IMPG2: variants seen among roughly 807,000 people sequenced by gnomAD.
The protein encoded by IMPG2 is interphotoreceptor matrix proteoglycan 2, also known as IPM 200.
In IMPG2, 91 loss-of-function variants were observed where a neutral mutation model predicts 129.2. The ratio of observed to expected loss-of-function variants is 0.70; its 90% CI spans 0.59 to 0.84. IMPG2 has a LOEUF of 0.84. Among genes scored for constraint, IMPG2 ranks in the 40% least tolerant of loss-of-function variants. The probability of loss-of-function intolerance (pLI) is 0.00; values close to 1 mark genes in which losing one functional copy is unlikely to be tolerated. For synonymous variants in IMPG2, 510 were observed against 517.7 expected (o/e 0.99, Z 0.20); for missense variants, 1,430 against 1,461.7 (o/e 0.98, Z 0.35).
Position 101,245,896 on chromosome 3 carries a change from G to C in IMPG2, c.1449C>G (p.Ser483Arg). 1 of 1,614,190 alleles carries C rather than the reference G, an allele frequency of 6.2e-7. No individual in the cohort carries two copies. The highest frequency in any genetic ancestry group is 2.2e-5 in the East Asian group (1 of 44,878). ...SSSPEVLEVS[S>R]LTLHSVTPAV... ...CCGGGGTGACAGAATGAAGAGTCAA[G>C]CTGCTAACCTCTAAAACCTCTGGGG... is the stretch of plus-strand genomic sequence containing the variant. Residue 483 changes from serine (S) to arginine (R), a missense_variant, in exon 12 of 19, where the codon AGC becomes AGG. Coordinates refer to ENST00000193391, the MANE Select transcript of IMPG2 (RefSeq NM_016247.4).
intron 16 of IMPG2, among the ~76,000 whole-genome samples, chr3:101,229,931 T>C (rs751897236): frequency 4.4e-4 from 67 of 152,206 alleles, no homozygotes; most frequent in Admixed American, 1.0e-3. Context: ...TTATACACAT[T>C]GAAAATCAGT....
chr3:101,259,539 T>C (rs1464190166), intron 9 of IMPG2, among the ~76,000 whole-genome samples: 1 of 150,940 alleles, frequency 6.6e-6, no homozygotes, highest in African/African-American at 2.4e-5. Context: ...GCTTGGTACC[T>C]AGCACAGAGA....
At chr3:101,308,052 T>C (rs954444270) in intron 2 of IMPG2, among the ~76,000 whole-genome samples, 2 of 152,240 alleles carry the variant, frequency 1.3e-5, no homozygotes, top group East Asian at 3.8e-4. Context: ...CTCACATCCA[T>C]GTCACACTGA....
intron 9 of IMPG2, among the ~76,000 whole-genome samples, chr3:101,260,241 CT>C (rs1233119281): frequency 6.6e-6 from 1 of 152,124 alleles, no homozygotes; most frequent in African/African-American, 2.4e-5. Context: ...CAGGATACCT[CT>C]TCTAATGCAG....
At chr3:101,299,475 T>A (rs1707116962) in intron 3 of IMPG2, among the ~76,000 whole-genome samples, 1 of 152,228 alleles carries the variant, frequency 6.6e-6, no homozygotes. Context: ...AGAGGCACTC[T>A]GGCCTTTTGG....
In IMPG2 at chr3:101,263,191, A is replaced by G. The variant is rs140339175; in HGVS notation, c.908+4320T>C. Among the ~76,000 whole-genome samples, 338 of 152,176 alleles carry G rather than the reference A, an allele frequency of 2.2e-3. 1 individual carries two copies. Among genetic ancestry groups the G allele is most frequent in the African/African-American group, 7.8e-3 (326 of 41,560 alleles). On this transcript the variant is annotated intron_variant, in intron 9 of 18. Transcript: ENST00000193391. ...ACACCAGATTTAAACTGCACCACAG[A>G]CTAAGTGGCCCTCACAGATATTTAC... is the stretch of plus-strand genomic sequence containing the variant.
intron 4 of IMPG2, among the ~76,000 whole-genome samples, chr3:101,287,426 T>C (rs1706960090): frequency 6.6e-6 from 1 of 152,172 alleles, no homozygotes; most frequent in African/African-American, 2.4e-5. Context: ...AGAGCCTGAA[T>C]AGCCAAAGTA....
chr3:101,226,859 A>T lies in IMPG2; in HGVS notation c.*110T>A. ...TGCCCTATATTTAATTTTTTCATAG[A>T]AAACTCTTCTTCCAACAGTGTTTAA... On this transcript the variant is annotated 3_prime_UTR_variant, in exon 19 of 19. Coordinates refer to ENST00000193391, the MANE Select transcript of IMPG2 (RefSeq NM_016247.4). The T allele has an allele frequency of 1.7e-6, 2 of 1,190,540 alleles. No homozygotes were observed. Among genetic ancestry groups the T allele is most frequent in the East Asian group, 2.3e-5 (1 of 42,714 alleles). 73.7% of individuals were successfully genotyped at this position (1,190,540 alleles called of 1,614,324 possible).
chr3:101,269,924 T>C (rs1308267410), intron 7 of IMPG2, among the ~76,000 whole-genome samples: 3 of 147,638 alleles, frequency 2.0e-5, no homozygotes, highest in Non-Finnish European at 3.0e-5. Flanking sequence ...TTTTATTTTA[T>C]TCTTTTTTTT....
At chr3:101,264,330 G>A (rs1576756215) in intron 9 of IMPG2, among the ~76,000 whole-genome samples, 1 of 151,984 alleles carries the variant, frequency 6.6e-6, no homozygotes, top group East Asian at 1.9e-4. Flanking sequence ...AAATCCAATA[G>A]CCCCTCAAAA....
At chr3:101,257,905 T>A in intron 9 of IMPG2, 132 bp from the exon 10 acceptor site, 1 of 1,055,376 alleles carries the variant, frequency 9.5e-7, no homozygotes, top group Non-Finnish European at 1.4e-6. Context: ...CACTTTTCTC[T>A]GAAAAGCCTG....
chr3:101,223,189 A>C lies in IMPG2; in HGVS notation c.*3780T>G, dbSNP rs511575. 1 of 152,240 alleles carries C rather than the reference A, an allele frequency of 6.6e-6. No homozygotes were observed. The highest frequency in any genetic ancestry group is 2.4e-5 in the African/African-American group (1 of 41,540). 9.4% of individuals were successfully genotyped at this position (152,240 alleles called of 1,614,324 possible). A position where few individuals can be genotyped will look rare whatever the true frequency, so the allele number is the denominator to read the frequency against. ...AATACAATGCAATGGATTTGAGAAT[A>C]GTGACCGTCACATCATTTTTCTGCA... On this transcript the variant is annotated 3_prime_UTR_variant, in exon 19 of 19. Transcript: ENST00000193391.
intron 2 of IMPG2, among the ~76,000 whole-genome samples, chr3:101,306,330 A>G (rs1707188971): frequency 6.6e-6 from 1 of 152,238 alleles, no homozygotes; most frequent in Non-Finnish European, 1.5e-5. Context: ...TATGAAATGT[A>G]TGAGTATTGA....
Position 101,273,609 on chromosome 3 carries a change from T to G in IMPG2, c.800A>C (p.Gln267Pro). 6.2e-7 allele frequency: 1 copy of G among 1,614,140 alleles called. No individual in the cohort carries two copies. Among genetic ancestry groups the G allele is most frequent in the Non-Finnish European group, 8.5e-7 (1 of 1,180,010 alleles). ...TGAAATAAATTCTTCTTCAAGGTGC[T>G]GGTGGTGAAAGCTGGAGGAATCCTG... ...ELQDSSSFHHQHLEEEFISEV... is the reference protein window; with the variant it reads ...ELQDSSSFHHPHLEEEFISEV... The change falls in exon 7 of 19, where the codon CAG (glutamine) becomes CCG (proline). Residue 267 changes from glutamine to proline, a missense_variant. Transcript: ENST00000193391.
At chr3:101,285,564 C>A (rs1576763568) in intron 4 of IMPG2, among the ~76,000 whole-genome samples, 1 of 152,254 alleles carries the variant, frequency 6.6e-6, no homozygotes, top group East Asian at 1.9e-4. Context: ...TCATATACTG[C>A]CTTATTGCAT....
intron 4 of IMPG2, among the ~76,000 whole-genome samples, chr3:101,280,489 C>T (rs1706881048): frequency 2.0e-5 from 3 of 152,150 alleles, no homozygotes. Flanking sequence ...AAAACAAGAA[C>T]ACCTCCACGT....
rs532417009 is a variant in IMPG2, at chr3:101,260,037, G to A, written c.909-2264C>T. Among the ~76,000 whole-genome samples the A allele has an allele frequency of 1.7e-4, 26 of 152,150 alleles. No individual in the cohort carries two copies. In the South Asian group the frequency reaches 4.6e-3, roughly 27 times the overall value. ...TTTTATGGTTTGGTAAGCATGAATC[G>A]TCTCAAGAGACTTCTTCCTGGGAGC... On this transcript the variant is annotated intron_variant, in intron 9 of 18. Transcript: ENST00000193391.
At position 101,319,610 on chromosome 3, in the gene IMPG2, T is replaced by C; in HGVS notation, c.308A>G (p.Asn103Ser). ...PDESVAEAVA[N>S]HVKYFKVRVC... is the part of the protein sequence containing the mutation. ...TCGGACTTTAAAATACTTCACATGATTTGCCACAGCCTCTGCAACACTTTC... is the reference window on the plus strand; with the variant it reads ...TCGGACTTTAAAATACTTCACATGACTTGCCACAGCCTCTGCAACACTTTC... Residue 103 changes from asparagine (N) to serine (S), a missense_variant, in exon 2 of 19, where the codon AAT becomes AGT. Physicochemically the swap from Asn to Ser is conservative, Grantham distance 46 (BLOSUM62 1). Transcript: ENST00000193391. 6.2e-7 allele frequency: 1 copy of C among 1,613,690 alleles called. No homozygotes were observed. Among genetic ancestry groups the C allele is most frequent in the East Asian group, 2.2e-5 (1 of 44,872 alleles).
In IMPG2 at chr3:101,304,189, G is replaced by A. The variant is rs770199450; in HGVS notation, c.458C>T (p.Thr153Ile). 1.9e-6 allele frequency: 3 copies of A among 1,613,804 alleles called. No individual in the cohort carries two copies. The highest frequency in any genetic ancestry group is 1.1e-5 in the South Asian group (1 of 91,060). ...DGVTSIFEMG[T>I]NFSESVEHRS... ...ATGTTCCACAGATTCACTAAAATTTGTGCCCATTTCAAATATACTTGTGAC... is the reference window on the plus strand; with the variant it reads ...ATGTTCCACAGATTCACTAAAATTTATGCCCATTTCAAATATACTTGTGAC... Residue 153 changes from threonine to isoleucine, a missense_variant, in exon 3 of 19, where the codon ACA (threonine) becomes ATA (isoleucine). Physicochemically the swap from Thr to Ile is moderately conservative, Grantham distance 89 (BLOSUM62 -1). Coordinates refer to ENST00000193391, the MANE Select transcript of IMPG2 (RefSeq NM_016247.4).
Sources: allele counts gnomAD v4.1 joint callset (sites outside exome capture counted in the v4.1 genomes callset), GRCh38; gene constraint gnomAD v4.1.1; transcripts MANE v1.5; gene names NCBI Gene and HGNC (gene_info 2026-07-23, HGNC 2026-07-21).